The following MYBPC1 variants were observed in gnomAD, a reference collection of about 807,000 sequenced individuals.
MYBPC1 encodes the protein myosin-binding protein C, slow-type.
A neutral mutation model predicts 147.1 loss-of-function variants in MYBPC1; 52 were observed. That is an observed-to-expected ratio of 0.35 (90% CI 0.28 to 0.45). The LOEUF is 0.45. Among genes scored for constraint, MYBPC1 ranks in the 20% least tolerant of loss-of-function variants. The pLI, the probability that MYBPC1 is intolerant of heterozygous loss-of-function variation, is 1.00. For synonymous variants in MYBPC1, 477 were observed against 475.9 expected (o/e 1.00, Z -0.03); for missense variants, 1,228 against 1,440.3 (o/e 0.85, Z 2.39).
At position 101,617,244 on chromosome 12, in the gene MYBPC1, G is replaced by C; in HGVS notation, c.103+1G>C. 6.2e-7 allele frequency: 1 copy of C among 1,613,754 alleles called. No homozygotes were observed. Among genetic ancestry groups the C allele is most frequent in the Non-Finnish European group, 8.5e-7 (1 of 1,179,800 alleles). On this transcript the variant is annotated splice_donor_variant, in intron 3 of 31. Transcript: ENST00000361466. LOFTEE classifies it high-confidence loss of function. Reference sequence around the variant, plus strand: ...GAGGCCGGAACTACACCAGCAAAAGGTGAGTTGGAGGGAGGGAGAGTGAGG... The same window carrying C: ...GAGGCCGGAACTACACCAGCAAAAGCTGAGTTGGAGGGAGGGAGAGTGAGG...
intron 18 of MYBPC1, among the ~76,000 whole-genome samples, chr12:101,655,212 AAATTT>A (rs1471906966): frequency 6.6e-6 from 1 of 152,200 alleles, no homozygotes; most frequent in Admixed American, 6.5e-5. Flanking sequence ...CATTTAAATT[AAATTT>A]AAGAGAAATT....
chr12:101,645,299 C>T (rs1892855320), intron 12 of MYBPC1, among the ~76,000 whole-genome samples: 1 of 152,120 alleles, frequency 6.6e-6, no homozygotes, highest in Non-Finnish European at 1.5e-5. Flanking sequence ...TGAGATAAAA[C>T]AAAATGTGGG....
chr12:101,684,934 C>G (rs1249535145), intron 31 of MYBPC1, among the ~76,000 whole-genome samples: 1 of 152,164 alleles, frequency 6.6e-6, no homozygotes, highest in Non-Finnish European at 1.5e-5. Flanking sequence ...CATGGATTCT[C>G]TCTTGAAGGG....
At chr12:101,606,759 C>A (rs1421386634) in intron 1 of MYBPC1, among the ~76,000 whole-genome samples, 2 of 152,150 alleles carry the variant, frequency 1.3e-5, no homozygotes, top group East Asian at 3.8e-4. Flanking sequence ...TTCATCTCTG[C>A]TACATAAGCA....
intron 3 of MYBPC1, among the ~76,000 whole-genome samples, chr12:101,621,731 T>C (rs890952998): frequency 7.2e-5 from 11 of 152,194 alleles, no homozygotes; most frequent in Non-Finnish European, 1.2e-4. Context: ...AAATCAACCA[T>C]AGGTAGGAGT....
intron 29 of MYBPC1, among the ~76,000 whole-genome samples, chr12:101,681,555 C>CATATATATATATAT (rs1206495774): frequency 6.0e-4 from 14 of 23,166 alleles, no homozygotes; most frequent in Admixed American, 1.6e-3. Flanking sequence ...AAATAACTTT[C>CATATATATATATAT]ATATATATAT....
At chr12:101,631,420 AT>A in intron 6 of MYBPC1, 150 bp from the exon 7 acceptor site, 1 of 907,710 alleles carries the variant, frequency 1.1e-6, no homozygotes, top group East Asian at 2.6e-5. Context: ...TAGAGCATTC[AT>A]AAAAAAATCA....
intron 18 of MYBPC1, among the ~76,000 whole-genome samples, chr12:101,658,471 C>T (rs1248892859): frequency 2.0e-5 from 3 of 151,892 alleles, no homozygotes; most frequent in Non-Finnish European, 4.4e-5. Context: ...GCTTTCCTAC[C>T]AAGATCAGAA....
chr12:101,642,597 C>G lies in MYBPC1; in HGVS notation c.832+12C>G. ...GAAGAAGAGCGCAGGTGAGCGCTCC[C>G]GGGGGCGAGGCAGCGGCCGAGGGGC... is the stretch of plus-strand genomic sequence containing the variant. On this transcript the variant is annotated intron_variant, in intron 11 of 31. Coordinates refer to ENST00000361466, the MANE Select transcript of MYBPC1 (RefSeq NM_002465.4). The G allele has an allele frequency of 1.2e-6, 2 of 1,605,346 alleles. No homozygotes were observed. Among genetic ancestry groups the G allele is most frequent in the Non-Finnish European group, 1.7e-6 (2 of 1,176,432 alleles).
At chr12:101,606,203 A>AAAACACACACACAC (rs1555221849) in intron 1 of MYBPC1, among the ~76,000 whole-genome samples, 4 of 145,784 alleles carry the variant, frequency 2.7e-5, no homozygotes, top group African/African-American at 1.0e-4. Flanking sequence ...TCAAAAAAGA[A>AAAACACACACACAC]ACACACACAC....
intron 10 of MYBPC1, among the ~76,000 whole-genome samples, chr12:101,637,978 G>A (rs542508253): frequency 6.2e-4 from 94 of 152,216 alleles, no homozygotes; most frequent in Non-Finnish European, 6.2e-4. Flanking sequence ...TGAGCCTCAC[G>A]TTTCCTCATT....
downstream of MYBPC1, among the ~76,000 whole-genome samples, chr12:101,688,440 T>C (rs2695297): frequency 0.52 from 79,289 of 151,808 alleles, 21,345 homozygotes; most frequent in Admixed American, 0.6. Context: ...TTTTTTAAGG[T>C]TCACGTTTCT....
intron 28 of MYBPC1, among the ~76,000 whole-genome samples, 198 bp downstream of exon 28, chr12:101,678,436 G>A (rs1047603708): frequency 2.0e-5 from 3 of 152,128 alleles, no homozygotes; most frequent in Admixed American, 2.0e-4. Context: ...CTTTGCTAAG[G>A]GATTCCTTCT....
rs750783044 is a variant in MYBPC1 at position 101,652,717 on chromosome 12, T to G, written c.1566T>G (p.Asp522Glu). The G allele has an allele frequency of 5.0e-6, 8 of 1,614,046 alleles. No homozygotes were observed. The South Asian group carries it at 8.8e-5, about 18-fold the overall frequency. ...KLVIANALTEDEGDYVFAPDA... is the reference protein window; with the variant it reads ...KLVIANALTEEEGDYVFAPDA... ...TGATAGCCAATGCCCTCACTGAAGA[T>G]GAAGGTGATTATGTATTTGCACCTG... The change falls in exon 17 of 32, where the codon GAT (aspartate) becomes GAG (glutamate). Residue 522 changes from aspartate to glutamate, a missense_variant. This residue lies in a region of MYBPC1 where 1,077 missense variants were observed against 1,314.2 expected (regional missense o/e 0.82). Transcript: ENST00000361466.
At chr12:101,637,221 T>C (rs1891181593) in intron 10 of MYBPC1, 1 of 156,016 alleles carries the variant, frequency 6.4e-6, no homozygotes, top group African/African-American at 2.4e-5. Flanking sequence ...TGACACACCA[T>C]TGATTATAAG....
intron 21 of MYBPC1, among the ~76,000 whole-genome samples, 197 bp from the exon 22 acceptor site, chr12:101,663,229 C>T (rs1461189223): frequency 2.6e-5 from 4 of 152,174 alleles, no homozygotes; most frequent in Admixed American, 2.6e-4. Flanking sequence ...AAATCCATGA[C>T]AGCATTTCCA....
chr12:101,691,318 T>G, the MYBPC1 span, among the ~76,000 whole-genome samples: 2 of 152,168 alleles, frequency 1.3e-5, no homozygotes, highest in African/African-American at 4.8e-5. Context: ...GTGATCTGCC[T>G]GCCTCAGCCT....
chr12:101,615,877 T>C (rs545624322), intron 2 of MYBPC1, among the ~76,000 whole-genome samples: 37 of 152,202 alleles, frequency 2.4e-4, no homozygotes, highest in African/African-American at 8.9e-4. Context: ...AGATCGTTTT[T>C]CTTTTTTCTT....
rs752722522 is a variant in MYBPC1 at position 101,614,480 on chromosome 12, C to G, written c.26-16C>G. 6.2e-7 allele frequency: 1 copy of G among 1,613,830 alleles called. No individual in the cohort carries two copies. On this transcript the variant is annotated splice_polypyrimidine_tract_variant and intron_variant, in intron 1 of 31. Coordinates refer to ENST00000361466, the MANE Select transcript of MYBPC1 (RefSeq NM_002465.4). ...ATAAATGAGCCTGACATTTCCATGA[C>G]TCTTTCCATTTCTAGAAAATGAAGT...
Sources: allele counts gnomAD v4.1 joint callset (sites outside exome capture counted in the v4.1 genomes callset), GRCh38; gene constraint gnomAD v4.1.1; regional missense constraint gnomAD v4.1.1; transcripts MANE v1.5; gene names NCBI Gene and HGNC (gene_info 2026-07-23, HGNC 2026-07-21).